HS2ST1: variants seen among roughly 807,000 people sequenced by gnomAD.
HS2ST1 encodes the protein 2-O-sulfotransferase.
A neutral mutation model predicts 42.9 loss-of-function variants in HS2ST1; 18 were observed. The ratio of observed to expected loss-of-function variants is 0.42; its 90% CI spans 0.29 to 0.62. The LOEUF is 0.62. Ranked by LOEUF, HS2ST1 falls within the 20% of genes least tolerant of loss-of-function variation. HS2ST1 has a pLI of 0.21. For synonymous variants in HS2ST1, 146 were observed against 152.9 expected (o/e 0.95, Z 0.33); for missense variants, 334 against 433.8 (o/e 0.77, Z 2.04).
At chr1:87,048,266 A>G (rs1650739329) in intron 1 of HS2ST1, among the ~76,000 whole-genome samples, 1 of 152,226 alleles carries the variant, frequency 6.6e-6, no homozygotes, top group Non-Finnish European at 1.5e-5. Context: ...CAACCTTGCT[A>G]AACTCATTAA....
At chr1:87,069,887 G>A (rs1651358349) in intron 1 of HS2ST1, among the ~76,000 whole-genome samples, 1 of 152,192 alleles carries the variant, frequency 6.6e-6, no homozygotes, top group Non-Finnish European at 1.5e-5. Context: ...GGCCCTGCCG[G>A]AGGTGTAGCA....
At chr1:87,050,368 A>G (rs1028848687) in intron 1 of HS2ST1, among the ~76,000 whole-genome samples, 2 of 151,952 alleles carry the variant, frequency 1.3e-5, no homozygotes, top group Non-Finnish European at 2.9e-5. Flanking sequence ...TTATTTTTCG[A>G]ACTTTGTTTT....
At chr1:86,952,365 G>A (rs1647546936) in intron 1 of HS2ST1, among the ~76,000 whole-genome samples, 1 of 152,040 alleles carries the variant, frequency 6.6e-6, no homozygotes, top group East Asian at 1.9e-4. Flanking sequence ...AGTCTCCTGA[G>A]TAGCTGGGAT....
At chr1:86,956,963 A>G (rs1161539382) in intron 1 of HS2ST1, among the ~76,000 whole-genome samples, 1 of 152,196 alleles carries the variant, frequency 6.6e-6, no homozygotes. Context: ...ATAACATTGA[A>G]ATCATTCACA....
intron 4 of HS2ST1, among the ~76,000 whole-genome samples, chr1:87,095,679 G>T (rs918795265): frequency 6.6e-6 from 1 of 152,010 alleles, no homozygotes; most frequent in African/African-American, 2.4e-5. Context: ...TTTGATATAG[G>T]AACTCCTTTT....
chr1:86,915,072 G>A lies in HS2ST1; in HGVS notation c.36G>A (p.Leu12=), dbSNP rs1298603053. ...GLLRIMMPPK[L]QLLAVVAFAV... ...TCAGGATTATGATGCCGCCCAAGTT[G>A]CAGCTGCTGGCGGTGGTGGCCTTCG... Residue 12 remains leucine, a synonymous_variant, in exon 1 of 7, where the codon TTG becomes TTA. Coordinates refer to ENST00000370550, the MANE Select transcript of HS2ST1 (RefSeq NM_012262.4). The A allele has an allele frequency of 7.4e-6, 12 of 1,614,072 alleles. No homozygotes were observed. In the African/African-American group the frequency reaches 1.6e-4, roughly 22 times the overall value.
intron 1 of HS2ST1, among the ~76,000 whole-genome samples, chr1:87,039,306 C>A (rs1650463278): frequency 6.6e-6 from 1 of 152,206 alleles, no homozygotes; most frequent in East Asian, 1.9e-4. Context: ...TACCAATAAC[C>A]AGTTGTTCAC....
chr1:87,050,572 A>G (rs1180468753), intron 1 of HS2ST1, among the ~76,000 whole-genome samples: 2 of 152,090 alleles, frequency 1.3e-5, no homozygotes, highest in African/African-American at 4.8e-5. Flanking sequence ...CAGAGTCAAC[A>G]AATGTTGACT....
chr1:86,959,061 G>A (rs1259751781), intron 1 of HS2ST1, among the ~76,000 whole-genome samples: 2 of 151,994 alleles, frequency 1.3e-5, no homozygotes, highest in Admixed American at 1.3e-4. Flanking sequence ...AAATCTCTCA[G>A]GAAACTAGGA....
intron 2 of HS2ST1, among the ~76,000 whole-genome samples, chr1:87,075,514 A>G (rs895826043): frequency 6.6e-6 from 1 of 152,192 alleles, no homozygotes; most frequent in South Asian, 2.1e-4. Flanking sequence ...TCTCTAAGAA[A>G]TAGTTTCTAA....
intron 1 of HS2ST1, among the ~76,000 whole-genome samples, chr1:86,976,858 G>T (rs1255439486): frequency 6.6e-6 from 1 of 151,202 alleles, no homozygotes; most frequent in Non-Finnish European, 1.5e-5. Flanking sequence ...ACCCCTTGAG[G>T]CCAGAAGTTC....
chr1:86,996,975 T>TAC (rs1649120093), intron 1 of HS2ST1, among the ~76,000 whole-genome samples: 1 of 152,144 alleles, frequency 6.6e-6, no homozygotes, highest in African/African-American at 2.4e-5. Flanking sequence ...TATATATATA[T>TAC]ACAACAGCTA....
chr1:87,069,041 A>C (rs1189135513), intron 1 of HS2ST1, among the ~76,000 whole-genome samples: 2 of 152,156 alleles, frequency 1.3e-5, no homozygotes, highest in African/African-American at 4.8e-5. Context: ...GGGGAAATAG[A>C]TTATCACAAA....
At chr1:86,972,220 T>G (rs1648254368) in intron 1 of HS2ST1, among the ~76,000 whole-genome samples, 1 of 152,258 alleles carries the variant, frequency 6.6e-6, no homozygotes, top group Non-Finnish European at 1.5e-5. Flanking sequence ...TAGGTTTCAC[T>G]TTCTCTAGTT....
chr1:87,045,143 A>G (rs562039346), intron 1 of HS2ST1: 8 of 853,428 alleles, frequency 9.4e-6, no homozygotes, highest in African/African-American at 5.0e-5. Flanking sequence ...CTCCATCATT[A>G]CTGCCATTGG....
chr1:87,078,467 G>C (rs1651602328), intron 2 of HS2ST1, among the ~76,000 whole-genome samples: 1 of 152,180 alleles, frequency 6.6e-6, no homozygotes. Context: ...CTTCAGGCTA[G>C]CTGCGTTTCA....
intron 1 of HS2ST1, among the ~76,000 whole-genome samples, chr1:87,032,195 A>G (rs773726461): frequency 6.6e-6 from 1 of 152,220 alleles, no homozygotes; most frequent in Non-Finnish European, 1.5e-5. Context: ...ATTGTTTATG[A>G]GTAGACTGAT....
chr1:86,978,299 G>A (rs1648481522), intron 1 of HS2ST1, among the ~76,000 whole-genome samples: 1 of 152,124 alleles, frequency 6.6e-6, no homozygotes, highest in Non-Finnish European at 1.5e-5. Flanking sequence ...CTAAATATTT[G>A]TAAGTTTTAA....
intron 1 of HS2ST1, among the ~76,000 whole-genome samples, chr1:87,063,672 T>A (rs1475170449): frequency 6.6e-6 from 1 of 152,174 alleles, no homozygotes; most frequent in Non-Finnish European, 1.5e-5. Flanking sequence ...TCTACTGAGA[T>A]TGTATTTGCT....
Sources: allele counts gnomAD v4.1 joint callset (sites outside exome capture counted in the v4.1 genomes callset), GRCh38; gene constraint gnomAD v4.1.1; transcripts MANE v1.5; gene names NCBI Gene and HGNC (gene_info 2026-07-23, HGNC 2026-07-21).